CFAP46: variants seen among roughly 807,000 people sequenced by gnomAD.
CFAP46 encodes cilia- and flagella-associated protein 46.
CFAP46 carries 245 observed loss-of-function variants against 325.7 expected under a neutral mutation model. The observed-to-expected ratio is 0.75, with a 90% CI of 0.68 to 0.84. CFAP46 has a LOEUF of 0.84. Ranked by LOEUF, CFAP46 falls within the 40% of genes least tolerant of loss-of-function variation. The probability of loss-of-function intolerance (pLI) is 0.00; values close to 1 mark genes in which losing one functional copy is unlikely to be tolerated. For synonymous variants in CFAP46, 1,523 were observed against 1,495.9 expected (o/e 1.02, Z -0.42); for missense variants, 3,346 against 3,543.0 (o/e 0.94, Z 1.41).
chr10:132,922,150 G>A lies in CFAP46; in HGVS notation c.1560C>T (p.Ala520=), dbSNP rs1389442030. Residue 520 remains alanine, a synonymous_variant, in exon 13 of 58, where the codon GCC becomes GCT. Coordinates refer to ENST00000368586, the MANE Select transcript of CFAP46 (RefSeq NM_001200049.3). Reference sequence around the variant, plus strand: ...CCAGCACAATCTGAAACGCGTCAGGGGCTAAGGCCAGGCCTGCATTCACCA... The same window carrying A: ...CCAGCACAATCTGAAACGCGTCAGGAGCTAAGGCCAGGCCTGCATTCACCA... ...ALLVNAGLAL[A]PDAFQIVLDS... 5 of 1,550,310 alleles carry A rather than the reference G, an allele frequency of 3.2e-6. No individual in the cohort carries two copies. The African/African-American group carries it at 5.5e-5, about 17-fold the overall frequency.
rs1316171220 is a variant in CFAP46 at position 132,837,011 on chromosome 10, A to ACGG, written c.6439-100_6439-98dup. 4 of 958,702 alleles carry ACGG rather than the reference A, an allele frequency of 4.2e-6. No individual in the cohort carries two copies. In the African/African-American group the frequency reaches 6.5e-5, roughly 15 times the overall value. The allele number at this position is 958,702 out of a possible 1,614,324, so 59.4% of individuals were successfully genotyped here. A position where few individuals can be genotyped will look rare whatever the true frequency, so the allele number is the denominator to read the frequency against. ...TTCCAGGAGACCTCGTGGCAGAGCC[A>ACGG]CGGCGGGGGCTTTGTACCCTTCCTG... On this transcript the variant is annotated intron_variant, in intron 44 of 57. Transcript: ENST00000368586.
chr10:132,871,628 A>T (rs927584666), intron 32 of CFAP46, among the ~76,000 whole-genome samples: 3 of 152,244 alleles, frequency 2.0e-5, no homozygotes. Context: ...GAGAAGTAGA[A>T]TCAGAAGTGG....
chr10:132,875,817 C>CA (rs140467869), intron 31 of CFAP46, among the ~76,000 whole-genome samples: 8,183 of 151,518 alleles, frequency 0.054, 303 homozygotes, highest in Non-Finnish European at 0.078. Flanking sequence ...ATGAAAACAT[C>CA]AAAAAAAAGG....
rs1591047159 is a variant in CFAP46, at chr10:132,842,738, GGCC to G, written c.6438+3316_6438+3318del. Among the ~76,000 whole-genome samples, 3 of 152,266 alleles carry G rather than the reference GGCC, an allele frequency of 2.0e-5. No homozygotes were observed. In the East Asian group the frequency reaches 5.8e-4, roughly 29 times the overall value. ...GAGGCTGAGAAGTCCAAGGTCAAAG[GGCC>G]GCATCTGATGAGGGCCTTCTTGCAG... On this transcript the variant is annotated intron_variant, in intron 44 of 57. Transcript: ENST00000368586.
chr10:132,832,914 G>A lies in CFAP46; in HGVS notation c.7117+444C>T. 2 of 446,184 alleles carry A rather than the reference G, an allele frequency of 4.5e-6. No homozygotes were observed. The highest frequency in any genetic ancestry group is 9.5e-6 in the Non-Finnish European group (2 of 209,892). 27.6% of individuals were successfully genotyped at this position (446,184 alleles called of 1,614,324 possible). A position where few individuals can be genotyped will look rare whatever the true frequency, so the allele number is the denominator to read the frequency against. ...TAAGTTTGTCTTCCCTGTGTGTTTA[G>A]CACCAGGATACTGGCACATAGCAGG... On this transcript the variant is annotated intron_variant, in intron 50 of 57. Transcript: ENST00000368586. This position sits in a 1 kb window ranked among gnomAD's most constrained non-coding sequence, Gnocchi z 4.1.
intron 19 of CFAP46, among the ~76,000 whole-genome samples, chr10:132,912,126 C>CA (rs1159007106): frequency 7.8e-6 from 1 of 127,490 alleles, no homozygotes; most frequent in Non-Finnish European, 1.7e-5. Context: ...CCACCCCCAC[C>CA]CCCCCACCCC....
chr10:132,890,066 C>T lies in CFAP46; in HGVS notation c.3304+2267G>A, dbSNP rs567934426. 7.2e-5 allele frequency among the ~76,000 whole-genome samples: 11 copies of T among 152,296 alleles called. No homozygotes were observed. The South Asian group carries it at 8.3e-4, about 11-fold the overall frequency. ...TTTTCTAGAATTTGAATTTTTAAAA[C>T]GACTTATTCGACCTGTCTGATGTTT... On this transcript the variant is annotated intron_variant, in intron 25 of 57. Transcript: ENST00000368586.
In CFAP46 at chr10:132,909,918, C is replaced by G; in HGVS notation, c.2649+1G>C. The G allele has an allele frequency of 3.4e-6, 5 of 1,451,550 alleles. No individual in the cohort carries two copies. The highest frequency in any genetic ancestry group is 4.5e-6 in the Non-Finnish European group (5 of 1,104,216). 89.9% of individuals were successfully genotyped at this position (1,451,550 alleles called of 1,614,324 possible). A position where few individuals can be genotyped will look rare whatever the true frequency, so the allele number is the denominator to read the frequency against. On this transcript the variant is annotated splice_donor_variant, in intron 20 of 57. Transcript: ENST00000368586. LOFTEE classifies it high-confidence loss of function. ...GCCCAGATGTGGGCAGGGGCGCCCA[C>G]CTGCTCCTCGGTGCCCAGCCGTGGC...
At chr10:132,908,015 C>T (rs777368491) in intron 22 of CFAP46, among the ~76,000 whole-genome samples, 1 of 152,076 alleles carries the variant, frequency 6.6e-6, no homozygotes, top group African/African-American at 2.4e-5. Flanking sequence ...AGGCTGAGGC[C>T]CCCCCTTTCT....
At chr10:132,843,799 G>C (rs1315755856) in intron 44 of CFAP46, among the ~76,000 whole-genome samples, 2 of 83,406 alleles carry the variant, frequency 2.4e-5, no homozygotes, top group Non-Finnish European at 5.1e-5. Flanking sequence ...TGGGGCTCTG[G>C]TCTCGGTGGG....
Position 132,899,547 on chromosome 10 carries a change from G to A in CFAP46, c.3044C>T (p.Thr1015Met), listed in dbSNP as rs898358192. 9.7e-6 allele frequency: 15 copies of A among 1,548,220 alleles called. No homozygotes were observed. Among genetic ancestry groups the A allele is most frequent in the Admixed American group, 3.9e-5 (2 of 50,918 alleles). ...QLRLVAAKAF[T>M]ESARFGGIAG... is the part of the protein sequence containing the mutation. ...TAGAGCCACACACCTGGCGCTCTCC[G>A]TGAAGGCCTTGGCTGCCACCAGTCG... The change falls in exon 23 of 58, where the codon ACG (threonine) becomes ATG (methionine). Residue 1015 changes from threonine to methionine, a missense_variant. Physicochemically the swap from Thr to Met is moderately conservative, Grantham distance 81. Transcript: ENST00000368586.
intron 55 of CFAP46, among the ~76,000 whole-genome samples, chr10:132,811,361 C>A (rs898234919): frequency 5.3e-5 from 8 of 152,188 alleles, no homozygotes; most frequent in African/African-American, 1.9e-4. Flanking sequence ...CCTGGACACC[C>A]TGGCACCCCA....
At position 132,876,812 on chromosome 10, in the gene CFAP46, C is replaced by T. The variant is rs566781751; in HGVS notation, c.4362G>A (p.Pro1454=). ...GAGCCTTTTCTTTATGTCAACGTAC[C>T]GGCTTCTGGATACTTGAGGGGTTCA... ...STVNPSSIQK[P]TYSLYFLDHL... Residue 1454 remains proline (P), a splice_region_variant and synonymous_variant, in exon 31 of 58, where the codon CCG becomes CCA. Coordinates refer to ENST00000368586, the MANE Select transcript of CFAP46 (RefSeq NM_001200049.3). The surrounding 1 kb of genome is among the most constrained non-coding windows in gnomAD (Gnocchi z 4.1). 65 of 1,548,258 alleles carry T rather than the reference C, an allele frequency of 4.2e-5. No individual in the cohort carries two copies. In the African/African-American group the frequency reaches 6.3e-4, roughly 15 times the overall value.
At chr10:132,851,415 G>A (rs925459717) in intron 39 of CFAP46, 110 bp from the exon 40 acceptor site, 12 of 1,018,638 alleles carry the variant, frequency 1.2e-5, no homozygotes, top group Non-Finnish European at 1.7e-5. Context: ...ATAACAAACT[G>A]CGCAGATCTA....
chr10:132,874,463 C>T (rs1591066123), intron 31 of CFAP46, among the ~76,000 whole-genome samples: 1 of 115,952 alleles, frequency 8.6e-6, no homozygotes, highest in African/African-American at 3.4e-5. Flanking sequence ...TACAACTGCC[C>T]TATTGTGATA....
intron 56 of CFAP46, 146 bp from the exon 57 acceptor site, chr10:132,810,635 CA>C (rs1847561405): frequency 1.3e-6 from 1 of 786,648 alleles, no homozygotes; most frequent in Non-Finnish European, 2.2e-6. Flanking sequence ...CAGCGTCGGC[CA>C]CTGGTTTGCC....
chr10:132,906,357 T>C (rs1286795588), intron 22 of CFAP46, among the ~76,000 whole-genome samples: 3 of 152,248 alleles, frequency 2.0e-5, no homozygotes, highest in African/African-American at 7.2e-5. Context: ...CCCAGCTGGG[T>C]GGCCTCAGAA....
At position 132,834,516 on chromosome 10, in the gene CFAP46, G is replaced by A. The variant is rs1009863112; in HGVS notation, c.6866+138C>T. ...CAGAACCAGAAGAATTGCTTCCTGG[G>A]AGCAGGCAGGCGGCGCCGAGTCCTG... On this transcript the variant is annotated intron_variant, in intron 48 of 57. Transcript: ENST00000368586. The A allele has an allele frequency of 6.5e-6, 8 of 1,233,128 alleles. No homozygotes were observed. The African/African-American group carries it at 1.1e-4, about 16-fold the overall frequency. The allele number at this position is 1,233,128 out of a possible 1,614,324, so 76.4% of individuals were successfully genotyped here.
rs1298945704 is a variant in CFAP46 at position 132,942,084 on chromosome 10, CCTT to C, written c.67_69del (p.Lys23del). 5 of 1,551,692 alleles carry C rather than the reference CCTT, an allele frequency of 3.2e-6. No individual in the cohort carries two copies. Among genetic ancestry groups the C allele is most frequent in the Non-Finnish European group, 4.4e-6 (5 of 1,146,980 alleles). Reference sequence around the variant, plus strand: ...TTGGCCGATTTGATCAACTCGTAGGCCTTCTTCAAGGACGCAGCATCTGTCCCA... The same window carrying C: ...TTGGCCGATTTGATCAACTCGTAGGCCTTCAAGGACGCAGCATCTGTCCCA... On this transcript the variant is annotated inframe_deletion, in exon 2 of 58. Transcript: ENST00000368586.
Sources: gnomAD v4.1 joint callset for allele counts (sites outside exome capture counted in the v4.1 genomes callset) on GRCh38, gnomAD v4.1.1 for gene constraint, Gnocchi (gnomAD v3.1) non-coding constraint, MANE v1.5 for transcripts, NCBI Gene and HGNC (gene_info 2026-07-23, HGNC 2026-07-21) for gene names.